SLC27A6: variants seen among roughly 807,000 people sequenced by gnomAD.
The protein encoded by SLC27A6 is long-chain fatty acid transport protein 6.
Under a neutral mutation model 63.9 loss-of-function variants are expected in SLC27A6, and 74 were observed. The observed-to-expected ratio is 1.16, with a 90% CI of 0.96 to 1.40. SLC27A6 has a LOEUF of 1.40. Among genes scored for constraint, SLC27A6 ranks in the 40% most tolerant of loss-of-function variants. The pLI is 0.00. For synonymous variants in SLC27A6, 287 were observed against 260.8 expected (o/e 1.10, Z -0.97); for missense variants, 794 against 732.9 (o/e 1.08, Z -0.96).
At position 129,033,167 on chromosome 5, in the gene SLC27A6, T is replaced by G. The variant is rs368082526; in HGVS notation, c.1745T>G (p.Phe582Cys). 2.5e-6 allele frequency: 4 copies of G among 1,609,640 alleles called. No homozygotes were observed. Among genetic ancestry groups the G allele is most frequent in the East Asian group, 2.2e-5 (1 of 44,584 alleles). The change falls in exon 10 of 10, where the codon TTT becomes TGT. Residue 582 changes from phenylalanine (F) to cysteine (C), a missense_variant. Transcript: ENST00000262462. ...AAGCATCAGTTGGTGGAAGATGGAT[T>G]TAATCCACTGAAAATTTCTGAACCA... is the stretch of plus-strand genomic sequence containing the variant. ...LLKHQLVEDGFNPLKISEPLY... is the reference protein window; with the variant it reads ...LLKHQLVEDGCNPLKISEPLY...
chr5:129,029,319 A>G (rs886607401), intron 8 of SLC27A6, among the ~76,000 whole-genome samples: 1 of 152,086 alleles, frequency 6.6e-6, no homozygotes, highest in African/African-American at 2.4e-5. Flanking sequence ...ATTGTAATTT[A>G]TAGTGTTTCC....
At chr5:129,012,901 T>C (rs1751771782) in intron 4 of SLC27A6, among the ~76,000 whole-genome samples, 1 of 152,056 alleles carries the variant, frequency 6.6e-6, no homozygotes, top group Non-Finnish European at 1.5e-5. Context: ...AAAGTTTTTT[T>C]TTCCATGATT....
intron 5 of SLC27A6, among the ~76,000 whole-genome samples, chr5:129,017,433 GA>G (rs1325101860): frequency 6.6e-6 from 1 of 151,972 alleles, no homozygotes; most frequent in Non-Finnish European, 1.5e-5. Flanking sequence ...CCTTAGCCAA[GA>G]ATAGCTGAAA....
rs116840221 is a variant in SLC27A6 at position 128,983,924 on chromosome 5, A to G, written c.482-1209A>G. Among the ~76,000 whole-genome samples, 573 of 152,230 alleles carry G rather than the reference A, an allele frequency of 3.8e-3. 1 individual carries two copies. Among genetic ancestry groups the G allele is most frequent in the African/African-American group, 0.013 (532 of 41,546 alleles). On this transcript the variant is annotated intron_variant, in intron 1 of 9. Coordinates refer to ENST00000262462, the MANE Select transcript of SLC27A6 (RefSeq NM_001017372.3). ...TTCTGGTAGTTGCCAGTAATGTTGGACTTCCCTTGCATTAACTCCAAAAGG... is the reference window on the plus strand; with the variant it reads ...TTCTGGTAGTTGCCAGTAATGTTGGGCTTCCCTTGCATTAACTCCAAAAGG...
intron 4 of SLC27A6, among the ~76,000 whole-genome samples, chr5:129,005,692 A>C (rs916945919): frequency 7.2e-6 from 1 of 139,626 alleles, no homozygotes; most frequent in Non-Finnish European, 1.5e-5. Flanking sequence ...GGCTCACTGC[A>C]AGCTCCGCCT....
chr5:129,011,045 C>G (rs1751709973), intron 4 of SLC27A6, among the ~76,000 whole-genome samples: 1 of 152,058 alleles, frequency 6.6e-6, no homozygotes, highest in Non-Finnish European at 1.5e-5. Flanking sequence ...TAAAATATAT[C>G]TATTTTACTA....
chr5:129,027,171 A>C lies in SLC27A6; in HGVS notation c.1294A>C (p.Asn432His), dbSNP rs35186587. The C allele has an allele frequency of 2.1e-4, 332 of 1,613,498 alleles. 4 individuals are homozygous for C. In the African/African-American group the frequency reaches 3.6e-3, roughly 17 times the overall value. Residue 432 changes from asparagine (N) to histidine (H), a missense_variant, in exon 7 of 10, where the codon AAT becomes CAT. By Grantham distance (68) the Asn-to-His change is moderately conservative. Transcript: ENST00000262462. ...GLLISRVNAK[N>H]PFFGYAGPYK... ...TCTCATTTCTCGAGTGAATGCAAAA[A>C]ATCCCTTCTTTGGCTATGCTGGGCC...
chr5:129,003,157 A>G (rs770479675), intron 4 of SLC27A6, among the ~76,000 whole-genome samples: 1 of 152,132 alleles, frequency 6.6e-6, no homozygotes, highest in Non-Finnish European at 1.5e-5. Context: ...GCAAGAGAGA[A>G]TCTGTGTGCA....
chr5:129,003,848 G>A (rs1751428092), intron 4 of SLC27A6, among the ~76,000 whole-genome samples: 1 of 151,384 alleles, frequency 6.6e-6, no homozygotes, highest in Non-Finnish European at 1.5e-5. Flanking sequence ...CATGCCTGTA[G>A]TCTCAGCTAC....
At chr5:128,990,616 A>G in intron 4 of SLC27A6, 152 bp downstream of exon 4, 1 of 799,808 alleles carries the variant, frequency 1.3e-6, no homozygotes. Context: ...TGCTACCTAG[A>G]TGGTGGCGGG....
chr5:129,002,998 A>G (rs1368853923), intron 4 of SLC27A6, among the ~76,000 whole-genome samples: 3 of 151,922 alleles, frequency 2.0e-5, no homozygotes, highest in Non-Finnish European at 2.9e-5. Context: ...CTTTATTTCT[A>G]TGTGCACCCG....
At chr5:129,014,781 T>C (rs1485425292) in intron 4 of SLC27A6, among the ~76,000 whole-genome samples, 1 of 152,210 alleles carries the variant, frequency 6.6e-6, no homozygotes, top group African/African-American at 2.4e-5. Context: ...TTTTGATGCT[T>C]GCTTGACACT....
intron 5 of SLC27A6, among the ~76,000 whole-genome samples, chr5:129,016,845 C>T (rs1388439671): frequency 6.6e-6 from 1 of 151,886 alleles, no homozygotes; most frequent in Non-Finnish European, 1.5e-5. Flanking sequence ...TAAAAGTAGC[C>T]AAATAAACCA....
chr5:129,029,618 C>T lies in SLC27A6; in HGVS notation c.1594C>T (p.Pro532Ser). 1 of 1,597,346 alleles carries T rather than the reference C, an allele frequency of 6.3e-7. No homozygotes were observed. The highest frequency in any genetic ancestry group is 8.5e-7 in the Non-Finnish European group (1 of 1,172,438). The change falls in exon 9 of 10, where the codon CCA (proline) becomes TCA (serine). Residue 532 changes from proline to serine, a missense_variant. Pro to Ser is a moderately conservative substitution (Grantham distance 74, BLOSUM62 -1). Coordinates refer to ENST00000262462, the MANE Select transcript of SLC27A6 (RefSeq NM_001017372.3). ...RAGMASIILK[P>S]NTSLDLEKVY... ...AGGAATGGCTTCTATTATTTTAAAA[C>T]CAAATACATCTTTAGATTTGGAAAA...
chr5:128,998,053 G>A lies in SLC27A6; in HGVS notation c.969+7589G>A, dbSNP rs549480230. On this transcript the variant is annotated intron_variant, in intron 4 of 9. Coordinates refer to ENST00000262462, the MANE Select transcript of SLC27A6 (RefSeq NM_001017372.3). ...CCAGCACTTTGGGAAACCAAGGCACGAGGATTGCTTGAGGCCAGAAATTTG... is the reference window on the plus strand; with the variant it reads ...CCAGCACTTTGGGAAACCAAGGCACAAGGATTGCTTGAGGCCAGAAATTTG... 3.4e-5 allele frequency among the ~76,000 whole-genome samples: 5 copies of A among 148,886 alleles called. No homozygotes were observed. In the East Asian group the frequency reaches 6.0e-4, roughly 18 times the overall value.
chr5:129,009,823 C>T (rs759963524), intron 4 of SLC27A6, among the ~76,000 whole-genome samples: 2 of 151,934 alleles, frequency 1.3e-5, no homozygotes, highest in African/African-American at 4.8e-5. Context: ...TACAGGTGCA[C>T]GCTGCCATGC....
chr5:128,967,903 C>T (rs1749971554), intron 1 of SLC27A6, among the ~76,000 whole-genome samples: 1 of 151,832 alleles, frequency 6.6e-6, no homozygotes, highest in African/African-American at 2.4e-5. Context: ...TAATGCTATC[C>T]CTCCCCACTC....
At chr5:129,030,669 G>A (rs2150157241) in intron 9 of SLC27A6, among the ~76,000 whole-genome samples, 2 of 152,034 alleles carry the variant, frequency 1.3e-5, no homozygotes, top group South Asian at 4.2e-4. Context: ...ATTTTATTGA[G>A]ATAGTTGTAG....
chr5:129,030,983 A>T (rs374754233), intron 9 of SLC27A6, among the ~76,000 whole-genome samples: 3 of 151,946 alleles, frequency 2.0e-5, no homozygotes, highest in South Asian at 2.1e-4. Flanking sequence ...ATCCTCACCC[A>T]ACCCCATAAG....
Sources: gnomAD v4.1 joint callset for allele counts (sites outside exome capture counted in the v4.1 genomes callset) on GRCh38, gnomAD v4.1.1 for gene constraint, MANE v1.5 for transcripts, NCBI Gene and HGNC (gene_info 2026-07-23, HGNC 2026-07-21) for gene names.